Variants in SYTL1 observed in about 807,000 individuals in gnomAD.
SYTL1 encodes synaptotagmin-like protein 1.
In SYTL1, 53 loss-of-function variants were observed where a neutral mutation model predicts 74.6. That is an observed-to-expected ratio of 0.71 (90% CI 0.57 to 0.89). SYTL1 has a LOEUF of 0.89. SYTL1 is among the 40% of genes least tolerant of loss of function. SYTL1 has a pLI of 0.00. For missense variants in SYTL1, 728 were observed against 768.7 expected, an observed-to-expected ratio of 0.95 and a Z score of 0.63; for synonymous variants, 329 against 324.9, an observed-to-expected ratio of 1.01 and a Z score of -0.14.
At chr1:27,353,246 A>AGG in intron 13 of SYTL1, 37 bp from the exon 14 acceptor site, 3 of 1,552,186 alleles carry the variant, frequency 1.9e-6, no homozygotes, top group Non-Finnish European at 2.6e-6. Flanking sequence ...AGGGAGTGTG[A>AGG]GGGGGGTCAC....
chr1:27,346,153 G>T (rs944033850), intron 2 of SYTL1, among the ~76,000 whole-genome samples: 1 of 152,018 alleles, frequency 6.6e-6, no homozygotes, highest in Non-Finnish European at 1.5e-5. Context: ...CCTAGGCATG[G>T]TCCACTGGGC....
chr1:27,351,461 G>C lies in SYTL1; in HGVS notation c.1249G>C (p.Gly417Arg). 6.5e-7 allele frequency: 1 copy of C among 1,538,958 alleles called. No individual in the cohort carries two copies. The highest frequency in any genetic ancestry group is 2.0e-5 in the Admixed American group (1 of 49,426). ...KYVPAGSEGA[G>R]LPPSGELHFW... ...TGAGCCGAGCCTCTCCGCAGGCGCA[G>C]GACTGCCCCCGAGCGGGGAGCTGCA... is the stretch of plus-strand genomic sequence containing the variant. The change falls in exon 13 of 15, where the codon GGA becomes CGA. Residue 417 changes from glycine to arginine, a missense_variant. By Grantham distance (125) the Gly-to-Arg change is moderately radical (BLOSUM62 -2). Coordinates refer to ENST00000616558, the MANE Select transcript of SYTL1 (RefSeq NM_001193308.2). The surrounding 1 kb of genome is among the most constrained non-coding windows in gnomAD (Gnocchi z 5.0).
Position 27,348,053 on chromosome 1 carries a change from G to C in SYTL1, c.459+41G>C, listed in dbSNP as rs1455273335. The C allele has an allele frequency of 6.2e-7, 1 of 1,603,322 alleles. No homozygotes were observed. Among genetic ancestry groups the C allele is most frequent in the South Asian group, 1.1e-5 (1 of 90,838 alleles). On this transcript the variant is annotated intron_variant, in intron 5 of 14. Transcript: ENST00000616558. This position sits in a 1 kb window ranked among gnomAD's most constrained non-coding sequence, Gnocchi z 4.1. The stretch of plus-strand genomic sequence containing the variant: ...AACATGTGAGTACAGTGTCCCTGGA[G>C]GGGAGGTGGAATGTGCAGGGGGCAG...
At position 27,351,425 on chromosome 1, in the gene SYTL1, G is replaced by T; in HGVS notation, c.1244-31G>T. On this transcript the variant is annotated intron_variant, in intron 12 of 14. Coordinates refer to ENST00000616558, the MANE Select transcript of SYTL1 (RefSeq NM_001193308.2). The surrounding 1 kb of genome is among the most constrained non-coding windows in gnomAD (Gnocchi z 5.0). The stretch of plus-strand genomic sequence containing the variant: ...GGTTTGGGGGCGGTGGACTCCATCC[G>T]TGTGCGGGCCTGAGCCGAGCCTCTC... 1.3e-6 allele frequency: 2 copies of T among 1,508,548 alleles called. No homozygotes were observed. The highest frequency in any genetic ancestry group is 1.8e-6 in the Non-Finnish European group (2 of 1,123,552). The allele number at this position is 1,508,548 out of a possible 1,614,324, so 93.4% of individuals were successfully genotyped here. A position where few individuals can be genotyped will look rare whatever the true frequency, so the allele number is the denominator to read the frequency against.
chr1:27,342,638 C>T lies in SYTL1; in HGVS notation c.-39+488C>T, dbSNP rs1244643823. 6.6e-6 allele frequency among the ~76,000 whole-genome samples: 1 copy of T among 152,218 alleles called. No individual in the cohort carries two copies. The highest frequency in any genetic ancestry group is 6.5e-5 in the Admixed American group (1 of 15,288). On this transcript the variant is annotated intron_variant, in intron 1 of 14. Coordinates refer to ENST00000616558, the MANE Select transcript of SYTL1 (RefSeq NM_001193308.2). This position sits in a 1 kb window ranked among gnomAD's most constrained non-coding sequence, Gnocchi z 4.7. ...CAATGCATACTGTACACACCCCACA[C>T]GGCGCTGTCACCTAGAAAGTCACTG...
rs753192204 is a variant in SYTL1 at position 27,345,304 on chromosome 1, C to T, written c.-31C>T. 26 of 1,442,658 alleles carry T rather than the reference C, an allele frequency of 1.8e-5. No homozygotes were observed. Among genetic ancestry groups the T allele is most frequent in the Non-Finnish European group, 1.9e-5 (21 of 1,095,322 alleles). The allele number at this position is 1,442,658 out of a possible 1,614,324, so 89.4% of individuals were successfully genotyped here. On this transcript the variant is annotated 5_prime_UTR_variant, in exon 2 of 15. Transcript: ENST00000616558. This position sits in a 1 kb window ranked among gnomAD's most constrained non-coding sequence, Gnocchi z 6.0. The stretch of plus-strand genomic sequence containing the variant: ...CCCTCGGTCTGCCCCCAGGAAGCTC[C>T]GTGTGCCCAGCTGGGGCACAGCCCC...
chr1:27,353,097 C>A (rs2015343439), intron 13 of SYTL1, 186 bp from the exon 14 acceptor site: 1 of 644,852 alleles, frequency 1.6e-6, no homozygotes, highest in African/African-American at 1.8e-5. Flanking sequence ...GGAGCTGTAA[C>A]TTTTAAAGCC....
rs557543658 is a variant in SYTL1 at position 27,347,285 on chromosome 1, G to A, written c.192-136G>A. 6.2e-6 allele frequency: 7 copies of A among 1,122,642 alleles called. No individual in the cohort carries two copies. Among genetic ancestry groups the A allele is most frequent in the South Asian group, 2.9e-5 (2 of 68,796 alleles). 69.5% of individuals were successfully genotyped at this position (1,122,642 alleles called of 1,614,324 possible). A position where few individuals can be genotyped will look rare whatever the true frequency, so the allele number is the denominator to read the frequency against. ...CTGGACTTGGTCTCCCCAGCAGCCCGAGCTCCTCCACAGCACAGATCAAGT... is the reference window on the plus strand; with the variant it reads ...CTGGACTTGGTCTCCCCAGCAGCCCAAGCTCCTCCACAGCACAGATCAAGT... On this transcript the variant is annotated intron_variant, in intron 2 of 14. Transcript: ENST00000616558. This position sits in a 1 kb window ranked among gnomAD's most constrained non-coding sequence, Gnocchi z 4.9.
rs759377963 is a variant in SYTL1 at position 27,342,975 on chromosome 1, C to T, written c.-39+825C>T. Among the ~76,000 whole-genome samples, 85 of 152,384 alleles carry T rather than the reference C, an allele frequency of 5.6e-4. 1 individual carries two copies. The highest frequency in any genetic ancestry group is 1.7e-3 in the Admixed American group (26 of 15,310). On this transcript the variant is annotated intron_variant, in intron 1 of 14. Coordinates refer to ENST00000616558, the MANE Select transcript of SYTL1 (RefSeq NM_001193308.2). This position sits in a 1 kb window ranked among gnomAD's most constrained non-coding sequence, Gnocchi z 4.7. ...ATCCACAGAGTGAATGCACACCGTG[C>T]AGCCGTGCTGAGGCCTTCTGCTCCT...
Position 27,348,897 on chromosome 1 carries a change from G to A in SYTL1, c.460-183G>A, listed in dbSNP as rs1414060935. ...GAGTCAGGCGGCACAAGCCCTGCGG[G>A]GTGGGCTGTGAAGCACTGGTCTCAC... On this transcript the variant is annotated intron_variant, in intron 5 of 14. Transcript: ENST00000616558. The surrounding 1 kb of genome is among the most constrained non-coding windows in gnomAD (Gnocchi z 4.1). 1.3e-5 allele frequency among the ~76,000 whole-genome samples: 2 copies of A among 152,200 alleles called. No individual in the cohort carries two copies. The highest frequency in any genetic ancestry group is 2.9e-5 in the Non-Finnish European group (2 of 68,022).
chr1:27,353,226 GGAT>G, intron 13 of SYTL1, 54 bp from the exon 14 acceptor site: 1 of 1,504,806 alleles, frequency 6.6e-7, no homozygotes, highest in Non-Finnish European at 9.0e-7. Flanking sequence ...CGTGGTGACT[GGAT>G]GACTCTAGGG....
chr1:27,349,820 G>T, intron 8 of SYTL1, 55 bp downstream of exon 8: 1 of 1,547,034 alleles, frequency 6.5e-7, no homozygotes, highest in Non-Finnish European at 8.7e-7. Flanking sequence ...GTTCCGATGC[G>T]TAGCCCCTGC....
Position 27,347,536 on chromosome 1 carries a change from C to T in SYTL1, c.307C>T (p.Arg103Ter), listed in dbSNP as rs759430700. 5 of 1,614,082 alleles carry T rather than the reference C, an allele frequency of 3.1e-6. No homozygotes were observed. The highest frequency in any genetic ancestry group is 1.1e-5 in the South Asian group (1 of 91,088). The change falls in exon 3 of 15, where the codon CGA becomes TGA. Residue 103 changes from arginine (R) to a stop codon, truncating the protein, a stop_gained. Transcript: ENST00000616558. LOFTEE classifies it high-confidence loss of function. This position sits in a 1 kb window ranked among gnomAD's most constrained non-coding sequence, Gnocchi z 4.9. ...HNAHFGSDLV[R>*]ASMRRKKSTR... is the part of the protein sequence containing the mutation. ...TGCCCACTTCGGCTCTGACCTTGTC[C>T]GAGCGTCTATGCGCAGGAAGAAGAG...
In SYTL1 at chr1:27,349,634, C is replaced by G; in HGVS notation, c.634-18C>G. The G allele has an allele frequency of 6.3e-7, 1 of 1,593,180 alleles. No individual in the cohort carries two copies. The highest frequency in any genetic ancestry group is 8.5e-7 in the Non-Finnish European group (1 of 1,170,406). On this transcript the variant is annotated intron_variant, in intron 7 of 14. Transcript: ENST00000616558. ...GGTGGGGAAAGAAGGGGCGCCCCGT[C>G]ACTTGCCCCCTCTGCAGACCAAGGC...
rs1208953055 is a variant in SYTL1 at position 27,345,696 on chromosome 1, C to T, written c.191+171C>T. 6.6e-6 allele frequency among the ~76,000 whole-genome samples: 1 copy of T among 152,198 alleles called. No homozygotes were observed. Among genetic ancestry groups the T allele is most frequent in the Non-Finnish European group, 1.5e-5 (1 of 68,036 alleles). Reference sequence around the variant, plus strand: ...CTCATCACTTCTCCAGGGGTGACTGCACCAGCTTTCTCGCCAGCCTCCCTG... The same window carrying T: ...CTCATCACTTCTCCAGGGGTGACTGTACCAGCTTTCTCGCCAGCCTCCCTG... On this transcript the variant is annotated intron_variant, in intron 2 of 14. Transcript: ENST00000616558. The surrounding 1 kb of genome is among the most constrained non-coding windows in gnomAD (Gnocchi z 6.0).
rs2014942813 is a variant in SYTL1 at position 27,345,185 on chromosome 1, G to A, written c.-38-112G>A. The A allele has an allele frequency of 1.8e-6, 1 of 566,706 alleles. No homozygotes were observed. Among genetic ancestry groups the A allele is most frequent in the Non-Finnish European group, 3.0e-6 (1 of 331,354 alleles). The allele number at this position is 566,706 out of a possible 1,614,324, so 35.1% of individuals were successfully genotyped here. ...CCCCACCTTGAGCTCAGCCATCCTG[G>A]GGTGGCACCCTACCCATACCCGGCC... is the stretch of plus-strand genomic sequence containing the variant. On this transcript the variant is annotated intron_variant, in intron 1 of 14. Coordinates refer to ENST00000616558, the MANE Select transcript of SYTL1 (RefSeq NM_001193308.2). The surrounding 1 kb of genome is among the most constrained non-coding windows in gnomAD (Gnocchi z 6.0).
chr1:27,347,651 A>G lies in SYTL1; in HGVS notation c.340+82A>G, dbSNP rs2015059459. 12 of 1,448,294 alleles carry G rather than the reference A, an allele frequency of 8.3e-6. No homozygotes were observed. The East Asian group carries it at 3.4e-4, about 41-fold the overall frequency. The allele number at this position is 1,448,294 out of a possible 1,614,324, so 89.7% of individuals were successfully genotyped here. A position where few individuals can be genotyped will look rare whatever the true frequency, so the allele number is the denominator to read the frequency against. On this transcript the variant is annotated intron_variant, in intron 3 of 14. Transcript: ENST00000616558. The surrounding 1 kb of genome is among the most constrained non-coding windows in gnomAD (Gnocchi z 4.9). ...ATGTGGACAGGGAGAGAGGACCACT[A>G]GGGCTCCAGTCCTGGCTGCCCCCAG...
chr1:27,350,458 G>A lies in SYTL1; in HGVS notation c.978G>A (p.Leu326=). Reference sequence around the variant, plus strand: ...AGACGGCGGTGAAGAAACGGAATCTGAATCCGGTTTTCAACGAGACTCTCC... The same window carrying A: ...AGACGGCGGTGAAGAAACGGAATCTAAATCCGGTTTTCAACGAGACTCTCC... ...KRKTAVKKRN[L]NPVFNETLRY... Residue 326 remains leucine (L), a synonymous_variant, in exon 10 of 15, where the codon CTG becomes CTA. Transcript: ENST00000616558. This position sits in a 1 kb window ranked among gnomAD's most constrained non-coding sequence, Gnocchi z 6.3. 1 of 1,613,998 alleles carries A rather than the reference G, an allele frequency of 6.2e-7. No individual in the cohort carries two copies.
chr1:27,347,477 G>C lies in SYTL1; in HGVS notation c.248G>C (p.Trp83Ser). 6.2e-7 allele frequency: 1 copy of C among 1,614,146 alleles called. No individual in the cohort carries two copies. Among genetic ancestry groups the C allele is most frequent in the Middle Eastern group, 1.6e-4 (1 of 6,062 alleles). Residue 83 changes from tryptophan (W) to serine (S), a missense_variant, in exon 3 of 15, where the codon TGG (tryptophan) becomes TCG (serine). Transcript: ENST00000616558. This position sits in a 1 kb window ranked among gnomAD's most constrained non-coding sequence, Gnocchi z 4.9. ...PGQLKILTGDWFQEARSQRHH... is the reference protein window; with the variant it reads ...PGQLKILTGDSFQEARSQRHH... ...CAGCTGAAGATCCTGACAGGGGACT[G>C]GTTCCAGGAAGCACGCTCCCAGCGG...
Sources: gnomAD v4.1 joint callset for allele counts (sites outside exome capture counted in the v4.1 genomes callset) on GRCh38, gnomAD v4.1.1 for gene constraint, Gnocchi (gnomAD v3.1) non-coding constraint, MANE v1.5 for transcripts, NCBI Gene and HGNC (gene_info 2026-07-23, HGNC 2026-07-21) for gene names.